PUM1: variants seen among roughly 807,000 people sequenced by gnomAD.
PUM1 encodes the protein pumilio homolog 1.
A neutral mutation model predicts 131.8 loss-of-function variants in PUM1; 13 were observed. The observed-to-expected ratio is 0.10, with a 90% CI of 0.06 to 0.16. The LOEUF is 0.16. PUM1 is among the 10% of genes least tolerant of loss of function. The pLI is 1.00. For synonymous variants in PUM1, 509 were observed against 556.5 expected, an observed-to-expected ratio of 0.91 and a Z score of 1.20; for missense variants, 961 against 1,512.4, an observed-to-expected ratio of 0.64 and a Z score of 6.05.
intron 7 of PUM1, among the ~76,000 whole-genome samples, chr1:30,988,606 G>A (rs1017521448): frequency 6.6e-6 from 1 of 152,180 alleles, no homozygotes; most frequent in African/African-American, 2.4e-5. Flanking sequence ...TGCTGCACTA[G>A]ACCTCTGGTC....
Position 31,042,366 on chromosome 1 carries a change from T to C in PUM1, c.364-13502A>G, listed in dbSNP as rs150290673. Among the ~76,000 whole-genome samples the C allele has an allele frequency of 5.6e-4, 85 of 152,002 alleles. No individual in the cohort carries two copies. The East Asian group carries it at 0.016, about 28-fold the overall frequency. On this transcript the variant is annotated intron_variant, in intron 2 of 21. Coordinates refer to ENST00000426105, the MANE Select transcript of PUM1 (RefSeq NM_001020658.2). Reference sequence around the variant, plus strand: ...AAAATAAAATAAAATTGCCTCTAGATCTCATTGAATACACCCAACCTATTT... The same window carrying C: ...AAAATAAAATAAAATTGCCTCTAGACCTCATTGAATACACCCAACCTATTT...
intron 15 of PUM1, among the ~76,000 whole-genome samples, chr1:30,952,680 GGGC>G (rs1418719756): frequency 2.1e-4 from 6 of 28,250 alleles, no homozygotes; most frequent in Admixed American, 7.6e-4. Flanking sequence ...AAAGCGGGGG[GGGC>G]GGGGGGGGGG....
At chr1:31,056,369 C>T (rs1318242070) in intron 2 of PUM1, among the ~76,000 whole-genome samples, 1 of 151,984 alleles carries the variant, frequency 6.6e-6, no homozygotes, top group African/African-American at 2.4e-5. Flanking sequence ...CAACCTCCAC[C>T]TCCCGGGTTC....
chr1:30,980,808 T>C (rs1292676682), intron 8 of PUM1, among the ~76,000 whole-genome samples: 3 of 152,226 alleles, frequency 2.0e-5, no homozygotes, highest in Non-Finnish European at 2.9e-5. Context: ...GTCTAGGCAG[T>C]ACGATGAATA....
In PUM1 at chr1:30,966,043, G is replaced by A. The variant is rs201225616; in HGVS notation, c.2025C>T (p.Phe675=). The change falls in exon 13 of 22, where the codon TTC becomes TTT. Residue 675 remains phenylalanine, a synonymous_variant. Coordinates refer to ENST00000426105, the MANE Select transcript of PUM1 (RefSeq NM_001020658.2). ...SAQPANTSLG[F]GSSSSLGATL... is the part of the protein sequence containing the mutation. ...TGGCGCCGAGAGAACTGCTACTTCC[G>A]AATCCCAAGGATGTGTTGGCAGGCT... 7.0e-5 allele frequency: 113 copies of A among 1,614,032 alleles called. No homozygotes were observed. The highest frequency in any genetic ancestry group is 1.6e-4 in the Middle Eastern group (1 of 6,084).
At chr1:31,063,539 A>G (rs1644412783) in intron 1 of PUM1, among the ~76,000 whole-genome samples, 1 of 152,220 alleles carries the variant, frequency 6.6e-6, no homozygotes, top group Non-Finnish European at 1.5e-5. Flanking sequence ...AGTGATGGAC[A>G]CACAAAAAGC....
At chr1:31,034,191 G>A (rs1406942976) in intron 2 of PUM1, among the ~76,000 whole-genome samples, 1 of 152,150 alleles carries the variant, frequency 6.6e-6, no homozygotes, top group Non-Finnish European at 1.5e-5. Context: ...TTGCTTTACT[G>A]GCATTCTTGT....
At chr1:30,945,739 T>C (rs1639639561) in intron 17 of PUM1, among the ~76,000 whole-genome samples, 1 of 152,194 alleles carries the variant, frequency 6.6e-6, no homozygotes, top group South Asian at 2.1e-4. Context: ...ATCTCACACC[T>C]GTAAAAACAA....
intron 7 of PUM1, chr1:30,982,064 CAG>C (rs1472652517): frequency 1.3e-5 from 2 of 152,168 alleles, no homozygotes; most frequent in Non-Finnish European, 2.9e-5. Flanking sequence ...TCGGGAGCTC[CAG>C]AGTCTTCTGG....
chr1:31,057,429 G>GAA (rs1311021894), intron 2 of PUM1, among the ~76,000 whole-genome samples: 1 of 111,806 alleles, frequency 8.9e-6, no homozygotes. Flanking sequence ...AAAAGAAAAA[G>GAA]AAAAAAAAAA....
intron 3 of PUM1, among the ~76,000 whole-genome samples, chr1:31,021,118 T>C (rs542250603): frequency 1.1e-4 from 17 of 152,334 alleles, no homozygotes; most frequent in Non-Finnish European, 2.1e-4. Flanking sequence ...AAACAAAAGA[T>C]CCTTTATTTA....
At chr1:31,036,339 G>T (rs1045038971) in intron 2 of PUM1, among the ~76,000 whole-genome samples, 45 of 152,176 alleles carry the variant, frequency 3.0e-4, no homozygotes, top group African/African-American at 1.1e-3. Context: ...AAAGTGCTGG[G>T]ATTACAGGTG....
Position 30,933,199 on chromosome 1 carries a change from G to A in PUM1, c.*12C>T, listed in dbSNP as rs766303889. 3.7e-6 allele frequency: 6 copies of A among 1,603,884 alleles called. No individual in the cohort carries two copies. In the South Asian group the frequency reaches 6.7e-5, roughly 18 times the overall value. ...GGTCAGCGGGAATGAGGGAACAGCG[G>A]GTGACACTGCCTCAGATGATACCAT... On this transcript the variant is annotated 3_prime_UTR_variant, in exon 22 of 22. Coordinates refer to ENST00000426105, the MANE Select transcript of PUM1 (RefSeq NM_001020658.2).
chr1:30,945,589 G>T, intron 17 of PUM1, 106 bp from the exon 18 acceptor site: 1 of 1,220,366 alleles, frequency 8.2e-7, no homozygotes, highest in Non-Finnish European at 1.1e-6. Context: ...GAGAATCTGT[G>T]ATGATGAAAG....
In PUM1 at chr1:31,059,131, T is replaced by C. The variant is rs184122874; in HGVS notation, c.363+73A>G. ...CAATTTAAGTTTTTAAAGACATTCA[T>C]TGAAAGCAGATATCCTAAGTGGACA... On this transcript the variant is annotated intron_variant, in intron 2 of 21. Transcript: ENST00000426105. The C allele has an allele frequency of 9.1e-5, 135 of 1,485,484 alleles. No homozygotes were observed. In the African/African-American group the frequency reaches 1.5e-3, roughly 17 times the overall value. The allele number at this position is 1,485,484 out of a possible 1,614,324, so 92.0% of individuals were successfully genotyped here.
At chr1:31,063,979 AC>A (rs1356465990) in intron 1 of PUM1, among the ~76,000 whole-genome samples, 2 of 152,226 alleles carry the variant, frequency 1.3e-5, no homozygotes, top group African/African-American at 4.8e-5. Context: ...GCTCACTAAT[AC>A]GTGTAGCATT....
chr1:31,059,021 AG>A (rs1238373688), intron 2 of PUM1, among the ~76,000 whole-genome samples, 182 bp downstream of exon 2: 1 of 152,214 alleles, frequency 6.6e-6, no homozygotes, highest in African/African-American at 2.4e-5. Context: ...TTTACTATTT[AG>A]CACCAGAATG....
intron 1 of PUM1, among the ~76,000 whole-genome samples, chr1:31,064,478 T>G (rs1644436801): frequency 6.6e-6 from 1 of 152,100 alleles, no homozygotes; most frequent in African/African-American, 2.4e-5. Flanking sequence ...AAGCCACATT[T>G]CTTGGGGTTG....
chr1:30,968,940 C>T (rs1270973497), intron 10 of PUM1, among the ~76,000 whole-genome samples: 2 of 151,970 alleles, frequency 1.3e-5, no homozygotes, highest in South Asian at 2.1e-4. Context: ...TTTATTTTAA[C>T]GAATGAGACA....
Sources: allele counts gnomAD v4.1 joint callset (sites outside exome capture counted in the v4.1 genomes callset), GRCh38; gene constraint gnomAD v4.1.1; transcripts MANE v1.5; gene names NCBI Gene and HGNC (gene_info 2026-07-23, HGNC 2026-07-21).